The following RABGAP1L variants were observed in gnomAD, a reference collection of about 807,000 sequenced individuals.
RABGAP1L encodes the protein RAB GTPase activating protein 1 like.
Under a neutral mutation model 137.7 loss-of-function variants are expected in RABGAP1L, and 63 were observed. That is an observed-to-expected ratio of 0.46 (90% CI 0.37 to 0.56). The LOEUF (loss-of-function observed/expected upper bound fraction) is 0.56. RABGAP1L is among the 20% of genes least tolerant of loss of function. The pLI is 0.00. For synonymous variants in RABGAP1L, 431 were observed against 433.7 expected (o/e 0.99, Z 0.08); for missense variants, 1,095 against 1,244.0 (o/e 0.88, Z 1.80).
At chr1:174,843,236 T>A (rs1200325531) in intron 19 of RABGAP1L, among the ~76,000 whole-genome samples, 1 of 151,888 alleles carries the variant, frequency 6.6e-6, no homozygotes, top group East Asian at 1.9e-4. Flanking sequence ...TTTTTTTTTT[T>A]TTTTTTATAC....
intron 13 of RABGAP1L, among the ~76,000 whole-genome samples, chr1:174,618,618 C>T (rs913761663): frequency 6.6e-6 from 1 of 152,158 alleles, no homozygotes; most frequent in African/African-American, 2.4e-5. Flanking sequence ...ACAGAAAGGA[C>T]ATCCACACCA....
At chr1:174,204,588 T>C (rs1407755329) in intron 1 of RABGAP1L, among the ~76,000 whole-genome samples, 2 of 152,200 alleles carry the variant, frequency 1.3e-5, no homozygotes, top group African/African-American at 4.8e-5. Flanking sequence ...GTACATAGTT[T>C]ACTGAGAATT....
chr1:174,532,286 G>T (rs573675920), intron 13 of RABGAP1L, among the ~76,000 whole-genome samples: 1 of 151,106 alleles, frequency 6.6e-6, no homozygotes, highest in Non-Finnish European at 1.5e-5. Flanking sequence ...TCAGCTCACC[G>T]CAGCCTTTGC....
At chr1:174,561,730 AC>A (rs1386035888) in intron 13 of RABGAP1L, among the ~76,000 whole-genome samples, 1 of 152,210 alleles carries the variant, frequency 6.6e-6, no homozygotes, top group Non-Finnish European at 1.5e-5. Context: ...CTGATCTTTG[AC>A]AAACCTGACA....
intron 13 of RABGAP1L, among the ~76,000 whole-genome samples, chr1:174,440,176 A>G (rs185216946): frequency 5.0e-4 from 76 of 152,338 alleles, no homozygotes; most frequent in Non-Finnish European, 9.3e-4. Flanking sequence ...CTAATCCTAA[A>G]CAACATAGAA....
chr1:174,694,770 G>A (rs1451234053), intron 15 of RABGAP1L, among the ~76,000 whole-genome samples: 3 of 151,544 alleles, frequency 2.0e-5, no homozygotes, highest in African/African-American at 4.8e-5. Flanking sequence ...CTGAGGAATC[G>A]CCACACTGAC....
At chr1:174,174,561 T>G (rs990423921) in intron 1 of RABGAP1L, among the ~76,000 whole-genome samples, 5 of 152,138 alleles carry the variant, frequency 3.3e-5, no homozygotes, top group African/African-American at 1.2e-4. Flanking sequence ...TCCAAAGGCC[T>G]GAGAACCAGC....
At chr1:174,975,431 C>T (rs1670563898) in intron 21 of RABGAP1L, among the ~76,000 whole-genome samples, 1 of 152,182 alleles carries the variant, frequency 6.6e-6, no homozygotes, top group African/African-American at 2.4e-5. Flanking sequence ...ATGATCTTTT[C>T]TTCCTGGGTT....
intron 1 of RABGAP1L, among the ~76,000 whole-genome samples, chr1:174,198,523 A>C (rs1474172890): frequency 6.6e-6 from 1 of 152,208 alleles, no homozygotes; most frequent in Non-Finnish European, 1.5e-5. Context: ...GTTAGTATTT[A>C]GATTTATTTG....
chr1:174,457,773 C>G (rs1051762974), intron 13 of RABGAP1L, among the ~76,000 whole-genome samples: 1 of 152,106 alleles, frequency 6.6e-6, no homozygotes, highest in Non-Finnish European at 1.5e-5. Flanking sequence ...AGTGATGGGA[C>G]TACAGGTGTG....
intron 19 of RABGAP1L, among the ~76,000 whole-genome samples, chr1:174,902,739 C>A (rs1379672932): frequency 6.6e-6 from 1 of 152,180 alleles, no homozygotes; most frequent in Non-Finnish European, 1.5e-5. Context: ...GGTGGAGTTT[C>A]TTTTGGCTCT....
chr1:174,695,711 G>A (rs332773), intron 15 of RABGAP1L, among the ~76,000 whole-genome samples: 88,252 of 152,018 alleles, frequency 0.58, 27,929 homozygotes, highest in African/African-American at 0.85. Context: ...ATTTATTCCA[G>A]TCTTCATAGT....
intron 13 of RABGAP1L, among the ~76,000 whole-genome samples, chr1:174,510,890 G>A (rs569939882): frequency 6.6e-6 from 1 of 152,170 alleles, no homozygotes; most frequent in East Asian, 1.9e-4. Context: ...AACTAATTTG[G>A]TTGTTTTTCA....
chr1:174,241,377 G>T, intron 4 of RABGAP1L, 106 bp from the exon 5 acceptor site: 1 of 727,464 alleles, frequency 1.4e-6, no homozygotes. Context: ...TATTGTCATA[G>T]TAAAACTATT....
At chr1:174,585,887 G>A (rs951132520) in intron 13 of RABGAP1L, among the ~76,000 whole-genome samples, 1 of 152,074 alleles carries the variant, frequency 6.6e-6, no homozygotes, top group Non-Finnish European at 1.5e-5. Flanking sequence ...CTATGTGTGT[G>A]TATTTATTAA....
intron 1 of RABGAP1L, among the ~76,000 whole-genome samples, chr1:174,188,063 A>T (rs1666938040): frequency 6.6e-6 from 1 of 152,286 alleles, no homozygotes; most frequent in African/African-American, 2.4e-5. Flanking sequence ...CATGACCAGA[A>T]ATTCTCTGAT....
intron 18 of RABGAP1L, among the ~76,000 whole-genome samples, chr1:174,804,170 G>A (rs1192294587): frequency 6.6e-6 from 1 of 151,988 alleles, no homozygotes; most frequent in African/African-American, 2.4e-5. Context: ...TACTCTGTAA[G>A]TGTGTGATAT....
intron 18 of RABGAP1L, among the ~76,000 whole-genome samples, chr1:174,795,024 C>A (rs951088993): frequency 6.6e-6 from 1 of 152,122 alleles, no homozygotes; most frequent in Non-Finnish European, 1.5e-5. Context: ...TCAGGAAGAG[C>A]ATTCTCAAGT....
At chr1:174,249,918 A>T (rs1172306316) in intron 5 of RABGAP1L, among the ~76,000 whole-genome samples, 1 of 152,168 alleles carries the variant, frequency 6.6e-6, no homozygotes, top group Non-Finnish European at 1.5e-5. Context: ...CTGGGATTAC[A>T]GGCATGGAGC....
Sources: allele counts gnomAD v4.1 joint callset (sites outside exome capture counted in the v4.1 genomes callset), GRCh38; gene constraint gnomAD v4.1.1; transcripts MANE v1.5; gene names NCBI Gene and HGNC (gene_info 2026-07-23, HGNC 2026-07-21).